SNX29: variants seen among roughly 807,000 people sequenced by gnomAD.
SNX29 encodes sorting nexin-29.
SNX29 carries 78 observed loss-of-function variants against 102.1 expected under a neutral mutation model. That is an observed-to-expected ratio of 0.76 (90% confidence interval 0.64 to 0.92). The LOEUF (loss-of-function observed/expected upper bound fraction) is 0.92, where lower values mean the gene tolerates loss of function less well. Among genes scored for constraint, SNX29 ranks in the 40% least tolerant of loss-of-function variants. The pLI is 0.00. For missense variants in SNX29, 1,280 were observed against 1,061.7 expected, an observed-to-expected ratio of 1.21 and a Z score of -2.86; for synonymous variants, 580 against 414.5, an observed-to-expected ratio of 1.40 and a Z score of -4.85.
intron 14 of SNX29, among the ~76,000 whole-genome samples, chr16:12,219,003 T>G (rs555474948): frequency 3.9e-4 from 59 of 152,260 alleles, no homozygotes; most frequent in African/African-American, 1.4e-3. Context: ...CTCGATCTCC[T>G]GACCTTGTGA....
rs1693706907 is a variant in SNX29 at position 12,216,308 on chromosome 16, G to A, written c.1678+16625G>A. On this transcript the variant is annotated intron_variant, in intron 14 of 20. Coordinates refer to ENST00000566228, the MANE Select transcript of SNX29 (RefSeq NM_032167.5). The stretch of plus-strand genomic sequence containing the variant: ...TTGGGAGAAGCATTCTCTGCCTGAA[G>A]GGCTTTGTGACCCCTCCCCTGACCC... Among the ~76,000 whole-genome samples, 3 of 152,198 alleles carry A rather than the reference G, an allele frequency of 2.0e-5. No homozygotes were observed. The South Asian group carries it at 6.2e-4, about 31-fold the overall frequency.
At chr16:12,445,606 C>T (rs971003694) in intron 18 of SNX29, among the ~76,000 whole-genome samples, 2 of 152,224 alleles carry the variant, frequency 1.3e-5, no homozygotes, top group Non-Finnish European at 2.9e-5. Flanking sequence ...AGATGGAGTT[C>T]TTCCCAGGTC....
At chr16:12,392,178 C>T (rs190128970) in intron 16 of SNX29, among the ~76,000 whole-genome samples, 1 of 152,336 alleles carries the variant, frequency 6.6e-6, no homozygotes, top group East Asian at 1.9e-4. Context: ...GAGATCTCCT[C>T]CTCTTTAGAG....
At chr16:12,184,418 CAGG>C (rs2076463678) in intron 13 of SNX29, among the ~76,000 whole-genome samples, 2 of 152,192 alleles carry the variant, frequency 1.3e-5, no homozygotes, top group South Asian at 4.1e-4. Flanking sequence ...TGTTGGTTTT[CAGG>C]AGGTCATGGC....
chr16:12,536,996 A>G (rs959323010), intron 20 of SNX29, among the ~76,000 whole-genome samples: 6 of 117,464 alleles, frequency 5.1e-5, no homozygotes, highest in Non-Finnish European at 6.3e-5. Flanking sequence ...ATAAAATAAA[A>G]AGAGTTGTTC....
intron 14 of SNX29, among the ~76,000 whole-genome samples, chr16:12,228,163 A>G (rs930032675): frequency 6.6e-6 from 1 of 152,238 alleles, no homozygotes; most frequent in Admixed American, 6.5e-5. Context: ...GCACTTTAAC[A>G]AGGCCCCCAG....
Position 12,569,225 on chromosome 16 carries a change from C to G in SNX29, c.*596C>G, listed in dbSNP as rs1036415904. On this transcript the variant is annotated 3_prime_UTR_variant, in exon 21 of 21. Coordinates refer to ENST00000566228, the MANE Select transcript of SNX29 (RefSeq NM_032167.5). ...CAGCTCACTTTTCCAGAGGGATATT[C>G]CTGTGGCTTTGGCAAGGAGCCATTA... is the stretch of plus-strand genomic sequence containing the variant. The G allele has an allele frequency of 4.5e-6, 1 of 222,754 alleles. No individual in the cohort carries two copies. Among genetic ancestry groups the G allele is most frequent in the Non-Finnish European group, 8.9e-6 (1 of 112,292 alleles). 13.8% of individuals were successfully genotyped at this position (222,754 alleles called of 1,614,324 possible). A position where few individuals can be genotyped will look rare whatever the true frequency, so the allele number is the denominator to read the frequency against.
At chr16:12,500,106 CT>C (rs2089040394) in intron 19 of SNX29, among the ~76,000 whole-genome samples, 2 of 152,354 alleles carry the variant, frequency 1.3e-5, no homozygotes, top group South Asian at 4.1e-4. Flanking sequence ...ATCCTCCTAC[CT>C]CAGCCTCCTG....
chr16:12,560,615 T>C (rs1306646410), intron 20 of SNX29: 1 of 153,146 alleles, frequency 6.5e-6, no homozygotes, highest in South Asian at 2.1e-4. Context: ...AAGCAACAGC[T>C]GCCTTGTCAC....
At position 12,569,407 on chromosome 16, in the gene SNX29, G is replaced by C. The variant is rs573229797; in HGVS notation, c.*778G>C. On this transcript the variant is annotated 3_prime_UTR_variant, in exon 21 of 21. Coordinates refer to ENST00000566228, the MANE Select transcript of SNX29 (RefSeq NM_032167.5). ...TGGCCCAGCCATCAGCAGCAACCTA[G>C]TAACCCGGCGTCATCCAGCGTGTCC... The C allele has an allele frequency of 1.3e-5, 3 of 230,856 alleles. No individual in the cohort carries two copies. Among genetic ancestry groups the C allele is most frequent in the East Asian group, 6.1e-5 (1 of 16,308 alleles). The allele number at this position is 230,856 out of a possible 1,614,324, so 14.3% of individuals were successfully genotyped here. A position where few individuals can be genotyped will look rare whatever the true frequency, so the allele number is the denominator to read the frequency against.
At chr16:12,082,741 G>A (rs1194690498) in intron 11 of SNX29, among the ~76,000 whole-genome samples, 1 of 152,080 alleles carries the variant, frequency 6.6e-6, no homozygotes, top group Non-Finnish European at 1.5e-5. Context: ...TGGGACAAGG[G>A]GCTTCTGTCT....
intron 20 of SNX29, among the ~76,000 whole-genome samples, chr16:12,547,798 C>G (rs1330718953): frequency 6.6e-6 from 1 of 152,196 alleles, no homozygotes; most frequent in East Asian, 1.9e-4. Context: ...ACAGAATGGG[C>G]TCAAGAATGC....
intron 20 of SNX29, among the ~76,000 whole-genome samples, chr16:12,529,942 C>T (rs146347473): frequency 4.6e-5 from 7 of 152,170 alleles, no homozygotes; most frequent in Admixed American, 1.3e-4. Flanking sequence ...TACCCAGTTG[C>T]CAGTAAGGAG....
intron 19 of SNX29, among the ~76,000 whole-genome samples, chr16:12,503,624 C>T (rs1033493772): frequency 6.6e-6 from 1 of 152,208 alleles, no homozygotes; most frequent in African/African-American, 2.4e-5. Flanking sequence ...CAGCTTAAAG[C>T]TGGCTCCAGG....
At chr16:12,169,586 G>A (rs922457734) in intron 13 of SNX29, among the ~76,000 whole-genome samples, 18 of 152,170 alleles carry the variant, frequency 1.2e-4, no homozygotes, top group Non-Finnish European at 1.9e-4. Context: ...ATGGCCAGGC[G>A]TTGTGGCTCA....
chr16:12,246,659 G>C (rs971861083), intron 14 of SNX29, among the ~76,000 whole-genome samples: 2 of 152,118 alleles, frequency 1.3e-5, no homozygotes, highest in South Asian at 2.1e-4. Context: ...AAAAAACCCA[G>C]TGTTAACCCT....
At chr16:11,987,282 G>T (rs1485572329) in intron 1 of SNX29, among the ~76,000 whole-genome samples, 1 of 151,672 alleles carries the variant, frequency 6.6e-6, no homozygotes, top group Non-Finnish European at 1.5e-5. Context: ...GTTGCCTAGG[G>T]TGGTCTTGAA....
intron 20 of SNX29, 39 bp from the exon 21 acceptor site, chr16:12,568,467 A>T (rs780082181): frequency 5.0e-6 from 8 of 1,604,284 alleles, no homozygotes; most frequent in African/African-American, 1.3e-5. Flanking sequence ...TTTGCTTTTC[A>T]TCCCCAGACT....
rs1052962698 is a variant in SNX29, at chr16:12,572,574, C to T, written c.*3945C>T. On this transcript the variant is annotated 3_prime_UTR_variant, in exon 21 of 21. Transcript: ENST00000566228. ...CTGGCTCCTCACAGGGAGGTCCAGC[C>T]ATGTTCTCTGGGCTCCCAGTGAGCC... 3.8e-6 allele frequency: 4 copies of T among 1,064,128 alleles called. No individual in the cohort carries two copies. Among genetic ancestry groups the T allele is most frequent in the African/African-American group, 3.3e-5 (2 of 60,988 alleles). 65.9% of individuals were successfully genotyped at this position (1,064,128 alleles called of 1,614,324 possible). A position where few individuals can be genotyped will look rare whatever the true frequency, so the allele number is the denominator to read the frequency against.
Sources: allele counts gnomAD v4.1 joint callset (sites outside exome capture counted in the v4.1 genomes callset), GRCh38; gene constraint gnomAD v4.1.1; transcripts MANE v1.5; gene names NCBI Gene and HGNC (gene_info 2026-07-23, HGNC 2026-07-21).